The following WIPI2 variants were observed in gnomAD, a reference collection of about 807,000 sequenced individuals.
The protein encoded by WIPI2 is WD repeat domain phosphoinositide-interacting protein 2.
WIPI2 carries 28 observed loss-of-function variants against 52.3 expected under a neutral mutation model. The observed-to-expected ratio is 0.54, with a 90% confidence interval of 0.40 to 0.73. WIPI2 has a LOEUF of 0.73. Among genes scored for constraint, WIPI2 ranks in the 30% least tolerant of loss-of-function variants. The pLI is 0.00. For missense variants in WIPI2, 506 were observed against 602.9 expected (o/e 0.84, Z 1.68); for synonymous variants, 268 against 245.0 (o/e 1.09, Z -0.88).
intron 2 of WIPI2, among the ~76,000 whole-genome samples, chr7:5,194,935 G>C (rs1433729256): frequency 6.6e-6 from 1 of 152,192 alleles, no homozygotes; most frequent in Non-Finnish European, 1.5e-5. Flanking sequence ...CCAGGCTCAG[G>C]AATGGGCAGG....
At chr7:5,212,224 A>G (rs1221785240) in intron 3 of WIPI2, among the ~76,000 whole-genome samples, 1 of 151,988 alleles carries the variant, frequency 6.6e-6, no homozygotes, top group African/African-American at 2.4e-5. Flanking sequence ...TGGGCCAAAC[A>G]CGGCACCTGT....
intron 8 of WIPI2, among the ~76,000 whole-genome samples, chr7:5,224,584 G>T (rs1352899370): frequency 6.6e-6 from 1 of 152,140 alleles, no homozygotes; most frequent in Admixed American, 6.5e-5. Context: ...AACTTGGGTG[G>T]GGAGAAGCCA....
intron 3 of WIPI2, among the ~76,000 whole-genome samples, chr7:5,212,552 C>T (rs1256317954): frequency 2.6e-5 from 4 of 152,180 alleles, no homozygotes; most frequent in Non-Finnish European, 5.9e-5. Context: ...ACTGGTATTA[C>T]AGACAGGGTC....
chr7:5,219,502 G>A (rs558107256), intron 7 of WIPI2, among the ~76,000 whole-genome samples: 62 of 152,116 alleles, frequency 4.1e-4, no homozygotes, highest in African/African-American at 1.4e-3. Context: ...CTTGTACATG[G>A]AATGCTCTCA....
chr7:5,200,682 C>CAAAA (rs1781980041), intron 3 of WIPI2, among the ~76,000 whole-genome samples: 2 of 152,150 alleles, frequency 1.3e-5, no homozygotes, highest in African/African-American at 2.4e-5. Flanking sequence ...GTGCTGGTGA[C>CAAAA]TTTTAATTAT....
rs186953136 is a variant in WIPI2 at position 5,230,438 on chromosome 7, A to G, written c.1253-397A>G. ...AGAGCCTGTGGTTTTGCACCCACGCAGGGCTGTGCCTGCTCGCTGCCACTC... is the reference window on the plus strand; with the variant it reads ...AGAGCCTGTGGTTTTGCACCCACGCGGGGCTGTGCCTGCTCGCTGCCACTC... On this transcript the variant is annotated intron_variant, in intron 12 of 12. Coordinates refer to ENST00000288828, the MANE Select transcript of WIPI2 (RefSeq NM_015610.4). This position sits in a 1 kb window ranked among gnomAD's most constrained non-coding sequence, Gnocchi z 4.8. Among the ~76,000 whole-genome samples the G allele has an allele frequency of 1.1e-4, 17 of 152,362 alleles. No homozygotes were observed. Among genetic ancestry groups the G allele is most frequent in the East Asian group, 1.9e-4 (1 of 5,184 alleles).
intron 4 of WIPI2, among the ~76,000 whole-genome samples, chr7:5,215,810 G>T (rs1454660481): frequency 6.6e-6 from 1 of 152,202 alleles, no homozygotes; most frequent in African/African-American, 2.4e-5. Context: ...TGCATAAGTT[G>T]TCTCAGCGAT....
intron 11 of WIPI2, chr7:5,229,403 T>C: frequency 3.8e-6 from 2 of 520,008 alleles, no homozygotes; most frequent in Non-Finnish European, 3.4e-6. Context: ...TAGGTATAAC[T>C]CCCTCTTTAG....
chr7:5,226,068 G>A (rs1783415931), intron 9 of WIPI2, 138 bp downstream of exon 9: 3 of 809,388 alleles, frequency 3.7e-6, no homozygotes, highest in South Asian at 1.7e-5. Flanking sequence ...TGGCCATGGA[G>A]CGAGCACCTC....
chr7:5,210,847 G>A (rs1266374281), intron 3 of WIPI2, among the ~76,000 whole-genome samples: 1 of 152,134 alleles, frequency 6.6e-6, no homozygotes, highest in Non-Finnish European at 1.5e-5. Context: ...ACCTCGTTTT[G>A]TGTGTGCTTC....
intron 3 of WIPI2, among the ~76,000 whole-genome samples, chr7:5,200,409 T>C (rs1193738790): frequency 6.6e-6 from 1 of 152,190 alleles, no homozygotes; most frequent in Non-Finnish European, 1.5e-5. Flanking sequence ...GTCCCTTGCA[T>C]CCTTTACCCT....
chr7:5,227,653 G>T lies in WIPI2; in HGVS notation c.1013+309G>T, dbSNP rs1783504722. 1.3e-5 allele frequency among the ~76,000 whole-genome samples: 2 copies of T among 152,328 alleles called. No individual in the cohort carries two copies. Among genetic ancestry groups the T allele is most frequent in the South Asian group, 4.1e-4 (2 of 4,830 alleles). ...CTTTGGGGCCACAGAAACCGCACTT[G>T]CCGAGTCTCAGGCATCCGTCCGGCT... On this transcript the variant is annotated intron_variant, in intron 10 of 12. Coordinates refer to ENST00000288828, the MANE Select transcript of WIPI2 (RefSeq NM_015610.4). This position sits in a 1 kb window ranked among gnomAD's most constrained non-coding sequence, Gnocchi z 8.1.
chr7:5,194,798 A>C (rs980380544), intron 2 of WIPI2, among the ~76,000 whole-genome samples: 2 of 152,134 alleles, frequency 1.3e-5, no homozygotes, highest in African/African-American at 4.8e-5. Context: ...TTAAACTCAT[A>C]CGATAGAAAG....
intron 3 of WIPI2, among the ~76,000 whole-genome samples, chr7:5,211,232 G>A (rs184762682): frequency 2.5e-4 from 38 of 152,312 alleles, no homozygotes; most frequent in African/African-American, 8.7e-4. Context: ...AGCACTTTGG[G>A]AGGCTGAGGC....
intron 3 of WIPI2, chr7:5,214,205 C>T: frequency 8.2e-7 from 1 of 1,225,124 alleles, no homozygotes; most frequent in Non-Finnish European, 1.0e-6. Flanking sequence ...AAGGGAGCCC[C>T]TAGACCTTAC....
At chr7:5,228,478 C>T (rs553010559) in intron 11 of WIPI2, among the ~76,000 whole-genome samples, 16 of 152,308 alleles carry the variant, frequency 1.1e-4, no homozygotes, top group South Asian at 1.0e-3. Flanking sequence ...TGGCGGGAGC[C>T]GCATTTGTTC....
intron 3 of WIPI2, among the ~76,000 whole-genome samples, chr7:5,207,220 G>C (rs1434719776): frequency 6.6e-6 from 1 of 152,152 alleles, no homozygotes; most frequent in Non-Finnish European, 1.5e-5. Context: ...TGAACACTAT[G>C]TGAGTTTTAA....
At chr7:5,217,262 G>C (rs773597150) in intron 6 of WIPI2, 75 bp downstream of exon 6, 1 of 1,484,868 alleles carries the variant, frequency 6.7e-7, no homozygotes, top group African/African-American at 1.4e-5. Flanking sequence ...TGGTGTCCCT[G>C]GCATCCTGAC....
chr7:5,198,428 C>A (rs538201187), intron 2 of WIPI2, among the ~76,000 whole-genome samples: 12 of 152,176 alleles, frequency 7.9e-5, no homozygotes, highest in Non-Finnish European at 1.8e-4. Flanking sequence ...ATTCTGCTGC[C>A]TCAGCCTCCC....
Sources: allele counts gnomAD v4.1 joint callset (sites outside exome capture counted in the v4.1 genomes callset), GRCh38; gene constraint gnomAD v4.1.1; non-coding constraint Gnocchi (gnomAD v3.1); transcripts MANE v1.5; gene names NCBI Gene and HGNC (gene_info 2026-07-23, HGNC 2026-07-21).